The following IL1RAPL2 variants were observed in gnomAD, a reference collection of about 807,000 sequenced individuals.
IL1RAPL2 encodes X-linked interleukin-1 receptor accessory protein-like 2.
Under a neutral mutation model 44.1 loss-of-function variants are expected in IL1RAPL2, and 3 were observed. The observed-to-expected ratio is 0.07, with a 90% confidence interval of 0.03 to 0.18. IL1RAPL2 has a LOEUF of 0.18. Ranked by LOEUF, IL1RAPL2 falls within the 10% of genes least tolerant of loss-of-function variation. The probability of loss-of-function intolerance (pLI) is 1.00; values close to 1 mark genes in which losing one functional copy is unlikely to be tolerated. For synonymous variants in IL1RAPL2, 181 were observed against 178.8 expected, an observed-to-expected ratio of 1.01 and a Z score of -0.10; for missense variants, 391 against 496.4, an observed-to-expected ratio of 0.79 and a Z score of 2.02.
intron 2 of IL1RAPL2, among the ~76,000 whole-genome samples, chrX:104,699,343 T>C (rs1602686676): frequency 1.8e-5 from 2 of 111,420 alleles, no homozygotes; most frequent in African/African-American, 3.3e-5. Context: ...CATCTGGGGG[T>C]GATGGAGATA....
At chrX:104,666,187 C>T (rs1391207887) in intron 2 of IL1RAPL2, among the ~76,000 whole-genome samples, 3 of 110,440 alleles carry the variant, frequency 2.7e-5, no homozygotes, top group Non-Finnish European at 5.7e-5. Flanking sequence ...TCTGCCTATT[C>T]CATTAAGTTT....
intron 5 of IL1RAPL2, among the ~76,000 whole-genome samples, chrX:105,336,974 C>T (rs1484037730): frequency 9.0e-6 from 1 of 111,564 alleles, no homozygotes; most frequent in Non-Finnish European, 1.9e-5. Flanking sequence ...TGTGAGCTCT[C>T]TTTTTTCCAT....
At chrX:105,046,875 A>T in intron 2 of IL1RAPL2, among the ~76,000 whole-genome samples, 1 of 104,056 alleles carries the variant, frequency 9.6e-6, no homozygotes, top group Non-Finnish European at 2.0e-5. Flanking sequence ...CAACACAAGC[A>T]ATTTGTCTCA....
intron 5 of IL1RAPL2, among the ~76,000 whole-genome samples, chrX:105,458,705 T>C (rs915052952): frequency 8.9e-6 from 1 of 111,937 alleles, no homozygotes; most frequent in Non-Finnish European, 1.9e-5. Flanking sequence ...TTCCCATTGA[T>C]GGTGTCACCC....
At chrX:105,742,202 G>C (rs145428964) in intron 8 of IL1RAPL2, among the ~76,000 whole-genome samples, 2,106 of 111,231 alleles carry the variant, frequency 0.019, 43 homozygotes, top group African/African-American at 0.066. Context: ...TATTAATGAA[G>C]ACTTAGCTAT....
intron 5 of IL1RAPL2, among the ~76,000 whole-genome samples, chrX:105,288,410 G>GA (rs60431670): frequency 0.29 from 28,722 of 99,197 alleles, 3,889 homozygotes; most frequent in African/African-American, 0.47. Flanking sequence ...ATCTACTTTT[G>GA]AAAAAAAAAA....
intron 2 of IL1RAPL2, among the ~76,000 whole-genome samples, chrX:104,895,325 T>C (rs955560801): frequency 1.6e-4 from 18 of 112,443 alleles, no homozygotes; most frequent in African/African-American, 4.9e-4. Flanking sequence ...CAGACAGGGA[T>C]ATTTAAGTCT....
intron 2 of IL1RAPL2, among the ~76,000 whole-genome samples, chrX:105,039,103 A>G (rs1027107717): frequency 2.7e-5 from 3 of 111,737 alleles, no homozygotes; most frequent in Non-Finnish European, 5.6e-5. Flanking sequence ...TAAAAGAACA[A>G]AGTACATATA....
At chrX:104,732,804 C>T (rs761549902) in intron 2 of IL1RAPL2, among the ~76,000 whole-genome samples, 1 of 111,541 alleles carries the variant, frequency 9.0e-6, no homozygotes, top group Non-Finnish European at 1.9e-5. Flanking sequence ...TTTACCCAAA[C>T]AAGATAGATA....
At chrX:105,305,010 G>C (rs1009707622) in intron 5 of IL1RAPL2, among the ~76,000 whole-genome samples, 3 of 111,138 alleles carry the variant, frequency 2.7e-5, no homozygotes, top group Non-Finnish European at 5.7e-5. Context: ...AGGAGGAAAG[G>C]GGGAGGGAAG....
chrX:105,740,134 C>G (rs1032456516), intron 7 of IL1RAPL2, among the ~76,000 whole-genome samples: 3 of 110,594 alleles, frequency 2.7e-5, no homozygotes, highest in Non-Finnish European at 5.7e-5. Context: ...TTTTAGCTAG[C>G]AGAAGGCAAG....
chrX:105,579,044 C>A (rs940559108), intron 6 of IL1RAPL2, among the ~76,000 whole-genome samples: 2 of 111,697 alleles, frequency 1.8e-5, no homozygotes, highest in African/African-American at 6.5e-5. Flanking sequence ...GTTTGGCTTG[C>A]ATGTCTTGTG....
intron 2 of IL1RAPL2, among the ~76,000 whole-genome samples, chrX:104,843,864 C>T (rs1265631937): frequency 9.0e-6 from 1 of 110,830 alleles, no homozygotes; most frequent in African/African-American, 3.3e-5. Flanking sequence ...TCCAAACATA[C>T]ACAATTCATA....
rs781765155 is a variant in IL1RAPL2 at position 104,774,673 on chromosome X, G to A, written c.82+115678G>A. 2.7e-4 allele frequency among the ~76,000 whole-genome samples: 30 copies of A among 111,907 alleles called. No homozygotes were observed. In the South Asian group the frequency reaches 9.3e-3, roughly 35 times the overall value. ...TCAAGGAGGGCAAAATCTGAAATGCGCCACTTTGATAGGAAGCAGAAGAGT... is the reference window on the plus strand; with the variant it reads ...TCAAGGAGGGCAAAATCTGAAATGCACCACTTTGATAGGAAGCAGAAGAGT... On this transcript the variant is annotated intron_variant, in intron 2 of 10. Transcript: ENST00000372582.
At chrX:105,610,077 C>T (rs1243779156) in intron 6 of IL1RAPL2, among the ~76,000 whole-genome samples, 1 of 111,354 alleles carries the variant, frequency 9.0e-6, no homozygotes, top group Admixed American at 9.6e-5. Flanking sequence ...TTGAGAATAT[C>T]TCTTACTGGG....
intron 1 of IL1RAPL2, among the ~76,000 whole-genome samples, chrX:104,570,831 C>T (rs1042920805): frequency 4.5e-5 from 5 of 112,015 alleles, no homozygotes. Flanking sequence ...TGGCTTCTCT[C>T]TTGAGTTTCA....
At chrX:104,725,441 T>A (rs1303450880) in intron 2 of IL1RAPL2, among the ~76,000 whole-genome samples, 2 of 111,785 alleles carry the variant, frequency 1.8e-5, no homozygotes, top group Non-Finnish European at 3.8e-5. Flanking sequence ...TGGTTCTAGA[T>A]CCTTGAGGAA....
At chrX:104,634,237 A>T (rs1339931796) in intron 1 of IL1RAPL2, among the ~76,000 whole-genome samples, 1 of 111,148 alleles carries the variant, frequency 9.0e-6, no homozygotes, top group Non-Finnish European at 1.9e-5. Context: ...GTTCTTTTAC[A>T]TTTGCTGAGG....
chrX:104,771,420 C>T (rs1334743390), intron 2 of IL1RAPL2, among the ~76,000 whole-genome samples: 2 of 112,532 alleles, frequency 1.8e-5, no homozygotes, highest in African/African-American at 6.5e-5. Flanking sequence ...CTGTCAGATA[C>T]TGACTGTGTA....
Sources: allele counts gnomAD v4.1 joint callset (sites outside exome capture counted in the v4.1 genomes callset), GRCh38; gene constraint gnomAD v4.1.1; transcripts MANE v1.5; gene names NCBI Gene and HGNC (gene_info 2026-07-23, HGNC 2026-07-21).